FRMD4A: variants seen among roughly 807,000 people sequenced by gnomAD.
The protein encoded by FRMD4A is FERM domain-containing protein 4A.
In FRMD4A, 29 loss-of-function variants were observed where a neutral mutation model predicts 129.1. The ratio of observed to expected loss-of-function variants is 0.22; its 90% confidence interval spans 0.17 to 0.31. The LOEUF (loss-of-function observed/expected upper bound fraction) is 0.31, where lower values mean the gene tolerates loss of function less well. Ranked by LOEUF, FRMD4A falls within the 10% of genes least tolerant of loss-of-function variation. The pLI is 1.00. For synonymous variants in FRMD4A, 634 were observed against 571.6 expected (o/e 1.11, Z -1.56); for missense variants, 1,272 against 1,375.8 (o/e 0.92, Z 1.19).
chr10:13,847,967 G>A (rs2094077670), intron 3 of FRMD4A, among the ~76,000 whole-genome samples: 2 of 152,192 alleles, frequency 1.3e-5, no homozygotes, highest in Non-Finnish European at 2.9e-5. Flanking sequence ...TTACCCCTTG[G>A]GTCCCTGTGA....
At chr10:13,840,263 G>A (rs2093941644) in intron 3 of FRMD4A, among the ~76,000 whole-genome samples, 1 of 152,108 alleles carries the variant, frequency 6.6e-6, no homozygotes, top group South Asian at 2.1e-4. Flanking sequence ...CTGGGAAGGG[G>A]AAGAGAACCA....
At chr10:13,714,019 A>ATAT (rs1564672587) in intron 12 of FRMD4A, among the ~76,000 whole-genome samples, 1 of 1,138 alleles carries the variant, frequency 8.8e-4, no homozygotes, top group African/African-American at 1.5e-3. Flanking sequence ...ATACATATAT[A>ATAT]AAATATACAT....
chr10:13,907,391 A>C (rs181091013), intron 2 of FRMD4A, among the ~76,000 whole-genome samples: 1 of 152,314 alleles, frequency 6.6e-6, no homozygotes, highest in East Asian at 1.9e-4. Context: ...AATTGTATAG[A>C]TCCAGAAATC....
At chr10:14,107,397 G>A (rs901782417) in intron 2 of FRMD4A, among the ~76,000 whole-genome samples, 1 of 152,090 alleles carries the variant, frequency 6.6e-6, no homozygotes, top group Non-Finnish European at 1.5e-5. Context: ...GCTTTAAATA[G>A]TTCCTCCCTG....
chr10:13,824,356 G>T (rs1297901866), intron 3 of FRMD4A, among the ~76,000 whole-genome samples: 1 of 149,214 alleles, frequency 6.7e-6, no homozygotes, highest in Non-Finnish European at 1.5e-5. Flanking sequence ...AGCTGAGCAT[G>T]GTGGCACGTG....
At chr10:13,656,590 G>C in intron 22 of FRMD4A, 46 bp downstream of exon 22, 1 of 1,347,238 alleles carries the variant, frequency 7.4e-7, no homozygotes, top group Non-Finnish European at 9.6e-7. Context: ...CCGGCAAGCA[G>C]TTCGCCCTCA....
At chr10:13,651,588 G>A (rs1174468024) in intron 24 of FRMD4A, 11 of 274,086 alleles carry the variant, frequency 4.0e-5, no homozygotes, top group Non-Finnish European at 5.5e-5. Context: ...CAGGAGAATC[G>A]CTTGAACCTG....
At chr10:14,016,456 TC>T (rs2131640958) in intron 2 of FRMD4A, among the ~76,000 whole-genome samples, 1 of 152,346 alleles carries the variant, frequency 6.6e-6, no homozygotes, top group East Asian at 1.9e-4. Context: ...CACAACAGCC[TC>T]CTGCACTTCA....
chr10:14,061,188 C>T (rs1834793795), intron 2 of FRMD4A, among the ~76,000 whole-genome samples: 1 of 152,130 alleles, frequency 6.6e-6, no homozygotes, highest in African/African-American at 2.4e-5. Flanking sequence ...TGGCTTATGC[C>T]TTTAATTCCA....
intron 2 of FRMD4A, among the ~76,000 whole-genome samples, chr10:13,931,954 C>G (rs56393210): frequency 0.11 from 17,103 of 150,540 alleles, 1,024 homozygotes; most frequent in African/African-American, 0.14. Context: ...GTCTCAAAAA[C>G]CAACCAACCA....
intron 3 of FRMD4A, among the ~76,000 whole-genome samples, chr10:13,812,343 G>A (rs2093463870): frequency 6.6e-6 from 1 of 152,176 alleles, no homozygotes; most frequent in Non-Finnish European, 1.5e-5. Flanking sequence ...CCCAAGATGG[G>A]ATTCGTGTCC....
intron 12 of FRMD4A, among the ~76,000 whole-genome samples, chr10:13,711,101 T>A (rs1589490761): frequency 6.6e-6 from 1 of 152,056 alleles, no homozygotes; most frequent in East Asian, 1.9e-4. Context: ...TCTCTTCACT[T>A]AGGAGGGAGG....
At chr10:13,712,901 C>T (rs1296490849) in intron 12 of FRMD4A, among the ~76,000 whole-genome samples, 1 of 152,218 alleles carries the variant, frequency 6.6e-6, no homozygotes, top group Non-Finnish European at 1.5e-5. Flanking sequence ...CTGCTGGATT[C>T]CCACATCCTG....
At chr10:14,208,197 A>G (rs1382458356) in intron 2 of FRMD4A, among the ~76,000 whole-genome samples, 1 of 152,142 alleles carries the variant, frequency 6.6e-6, no homozygotes, top group African/African-American at 2.4e-5. Context: ...CCCAGCCTCA[A>G]AAGAAACAAA....
intron 2 of FRMD4A, among the ~76,000 whole-genome samples, chr10:14,143,363 T>C (rs1460942296): frequency 2.0e-5 from 3 of 152,204 alleles, no homozygotes; most frequent in Non-Finnish European, 4.4e-5. Context: ...TCATGCTAAG[T>C]GAAATAAGCT....
chr10:13,666,906 CTTTTCTTTTTT>C (rs1437980933), intron 17 of FRMD4A, among the ~76,000 whole-genome samples: 41 of 129,506 alleles, frequency 3.2e-4, no homozygotes, highest in African/African-American at 1.1e-3. Context: ...CTTTTCTTTT[CTTTTCTTTTTT>C]TTTTTTTTTT....
chr10:13,832,986 C>T (rs543716775), intron 3 of FRMD4A, among the ~76,000 whole-genome samples: 72 of 152,278 alleles, frequency 4.7e-4, no homozygotes, highest in African/African-American at 1.4e-3. Flanking sequence ...TGCATATTTG[C>T]GATGTAATTA....
intron 2 of FRMD4A, among the ~76,000 whole-genome samples, chr10:14,240,465 G>A (rs1308073023): frequency 6.6e-6 from 1 of 152,098 alleles, no homozygotes; most frequent in Non-Finnish European, 1.5e-5. Context: ...CCACATCCTG[G>A]CAAAGGTCTC....
chr10:13,797,739 C>T (rs1278689710), intron 4 of FRMD4A, among the ~76,000 whole-genome samples: 1 of 152,182 alleles, frequency 6.6e-6, no homozygotes, highest in Admixed American at 6.5e-5. Context: ...GTAGCTAATG[C>T]TGTGTGGCAT....
Sources: gnomAD v4.1 joint callset for allele counts (sites outside exome capture counted in the v4.1 genomes callset) on GRCh38, gnomAD v4.1.1 for gene constraint, MANE v1.5 for transcripts, NCBI Gene and HGNC (gene_info 2026-07-23, HGNC 2026-07-21) for gene names.